The following DPP6 variants were observed in gnomAD, a reference collection of about 807,000 sequenced individuals.
DPP6 encodes the protein dipeptidyl peptidase like 6, also known as A-type potassium channel modulatory protein DPP6.
In DPP6, 69 loss-of-function variants were observed where a neutral mutation model predicts 122.6. The ratio of observed to expected loss-of-function variants is 0.56; its 90% CI spans 0.46 to 0.69. The LOEUF is 0.69. Among genes scored for constraint, DPP6 ranks in the 30% least tolerant of loss-of-function variants. DPP6 has a pLI of 0.00. For missense variants in DPP6, 928 were observed against 1,116.9 expected (o/e 0.83, Z 2.41); for synonymous variants, 418 against 433.1 (o/e 0.97, Z 0.43).
chr7:154,624,382 C>G lies in DPP6; in HGVS notation c.628-13439C>G. Among the ~76,000 whole-genome samples the G allele has an allele frequency of 6.6e-6, 1 of 150,978 alleles. No individual in the cohort carries two copies. The highest frequency in any genetic ancestry group is 6.6e-5 in the Admixed American group (1 of 15,170). ...TGGTAGGTGCCTATAATCCCAGCTA[C>G]TCAGAAGGCTGAGGCAGGAAAATCA... is the stretch of plus-strand genomic sequence containing the variant. On this transcript the variant is annotated intron_variant, in intron 5 of 25. Transcript: ENST00000377770. The surrounding 1 kb of genome is among the most constrained non-coding windows in gnomAD (Gnocchi z 4.7).
chr7:154,659,916 A>T (rs1344543219), intron 6 of DPP6, among the ~76,000 whole-genome samples: 3 of 152,256 alleles, frequency 2.0e-5, no homozygotes, highest in African/African-American at 7.2e-5. Context: ...TTTCATGACC[A>T]TTCTGTAGGA....
intron 10 of DPP6, among the ~76,000 whole-genome samples, chr7:154,783,559 G>T (rs992550181): frequency 2.0e-5 from 3 of 152,178 alleles, no homozygotes; most frequent in Admixed American, 6.5e-5. Flanking sequence ...CCTTTGTGAG[G>T]CATGGACGCC....
chr7:153,967,863 G>C (rs73729245), intron 1 of DPP6, among the ~76,000 whole-genome samples: 1 of 151,536 alleles, frequency 6.6e-6, no homozygotes, highest in Non-Finnish European at 1.5e-5. Flanking sequence ...AGCTGAGTTA[G>C]TGAGTCCTAT....
chr7:153,885,021 T>C (rs1477308399), upstream of DPP6, among the ~76,000 whole-genome samples: 3 of 145,350 alleles, frequency 2.1e-5, no homozygotes, highest in Non-Finnish European at 4.5e-5. Context: ...TATATATATA[T>C]GTTTGTCTTC....
At chr7:154,489,832 G>A (rs189058333) in intron 3 of DPP6, among the ~76,000 whole-genome samples, 4 of 152,074 alleles carry the variant, frequency 2.6e-5, no homozygotes, top group Admixed American at 2.6e-4. Context: ...CCTGCCTCAG[G>A]TACCTTTCTC....
At chr7:154,645,618 G>A (rs1836415091) in intron 6 of DPP6, among the ~76,000 whole-genome samples, 1 of 152,116 alleles carries the variant, frequency 6.6e-6, no homozygotes, top group African/African-American at 2.4e-5. Context: ...TTGCTCCTCT[G>A]GGCACACTTA....
chr7:154,714,644 C>T (rs1334937345), intron 7 of DPP6, among the ~76,000 whole-genome samples: 2 of 152,138 alleles, frequency 1.3e-5, no homozygotes, highest in Non-Finnish European at 2.9e-5. Flanking sequence ...CAATTATCTC[C>T]ACCTGGTCCC....
At chr7:153,785,213 C>T in the DPP6 span, among the ~76,000 whole-genome samples, 18 of 152,046 alleles carry the variant, frequency 1.2e-4, no homozygotes, top group East Asian at 1.9e-4. Context: ...CACAAACCCC[C>T]GTGTCTCACT....
At chr7:154,090,843 GTT>G (rs2150548683) in intron 1 of DPP6, among the ~76,000 whole-genome samples, 1 of 149,946 alleles carries the variant, frequency 6.7e-6, no homozygotes. Context: ...ATTCTGGGCC[GTT>G]TGCGGTGGCT....
At chr7:154,622,251 A>G (rs1205255191) in intron 5 of DPP6, among the ~76,000 whole-genome samples, 1 of 152,166 alleles carries the variant, frequency 6.6e-6, no homozygotes, top group East Asian at 1.9e-4. Flanking sequence ...CAATGGCACT[A>G]CATTTGCTAC....
At chr7:154,320,811 T>C (rs548802443) in intron 1 of DPP6, among the ~76,000 whole-genome samples, 4 of 152,300 alleles carry the variant, frequency 2.6e-5, no homozygotes, top group East Asian at 1.9e-4. Context: ...TTTGAACTTA[T>C]ATTGGCAAAT....
At chr7:153,960,672 TA>T (rs1795306206) in intron 1 of DPP6, among the ~76,000 whole-genome samples, 1 of 90,112 alleles carries the variant, frequency 1.1e-5, no homozygotes, top group Non-Finnish European at 2.3e-5. Context: ...TGCGGGTGTG[TA>T]TGTGTGTACA....
At chr7:154,778,461 CATG>C (rs1256926352) in intron 10 of DPP6, among the ~76,000 whole-genome samples, 1 of 151,978 alleles carries the variant, frequency 6.6e-6, no homozygotes, top group African/African-American at 2.4e-5. Context: ...TTATACAAAA[CATG>C]GTATGTGCAC....
chr7:154,559,326 A>G (rs1830259598), intron 4 of DPP6, among the ~76,000 whole-genome samples: 1 of 151,350 alleles, frequency 6.6e-6, no homozygotes, highest in Non-Finnish European at 1.5e-5. Context: ...ACTATTTAAA[A>G]CCAAGAACAA....
Position 154,486,741 on chromosome 7 carries a change from C to T in DPP6, c.457+11704C>T, listed in dbSNP as rs577852136. On this transcript the variant is annotated intron_variant, in intron 3 of 25. Transcript: ENST00000377770. This position sits in a 1 kb window ranked among gnomAD's most constrained non-coding sequence, Gnocchi z 4.5. ...TCGCAGAGGCTGGATGCACTTCCTC[C>T]GTCTGAAAGCAGAGAGAGGTGTGTC... 5.9e-5 allele frequency among the ~76,000 whole-genome samples: 9 copies of T among 152,276 alleles called. No homozygotes were observed. The East Asian group carries it at 7.7e-4, about 13-fold the overall frequency.
chr7:154,520,645 A>G (rs1247172073), intron 3 of DPP6, among the ~76,000 whole-genome samples: 1 of 152,256 alleles, frequency 6.6e-6, no homozygotes, highest in East Asian at 1.9e-4. Context: ...AGGGATGCAT[A>G]GATAAGGTAA....
In DPP6 at chr7:154,499,758, C is replaced by T. The variant is rs181161768; in HGVS notation, c.457+24721C>T. ...TATCCCCACCACCCACCAACCCCCC[C>T]AGATCCCATACACTATATCATTCCA... On this transcript the variant is annotated intron_variant, in intron 3 of 25. Coordinates refer to ENST00000377770, the MANE Select transcript of DPP6 (RefSeq NM_130797.4). Among the ~76,000 whole-genome samples, 224 of 152,234 alleles carry T rather than the reference C, an allele frequency of 1.5e-3. 3 individuals carry two copies. In the South Asian group the frequency reaches 0.033, roughly 22 times the overall value.
At chr7:154,090,084 C>T (rs1214675245) in intron 1 of DPP6, among the ~76,000 whole-genome samples, 1 of 152,192 alleles carries the variant, frequency 6.6e-6, no homozygotes, top group Non-Finnish European at 1.5e-5. Flanking sequence ...TTGGAAGCCT[C>T]AGTTCCTCAG....
At chr7:154,370,380 G>T (rs1167570489) in intron 1 of DPP6, among the ~76,000 whole-genome samples, 1 of 151,796 alleles carries the variant, frequency 6.6e-6, no homozygotes, top group Non-Finnish European at 1.5e-5. Context: ...TTATTTTTTG[G>T]GGGGGAGGGG....
Sources: allele counts gnomAD v4.1 joint callset (sites outside exome capture counted in the v4.1 genomes callset), GRCh38; gene constraint gnomAD v4.1.1; non-coding constraint Gnocchi (gnomAD v3.1); transcripts MANE v1.5; gene names NCBI Gene and HGNC (gene_info 2026-07-23, HGNC 2026-07-21).